Variants in IRX2 observed in about 807,000 individuals in gnomAD.
IRX2 encodes iroquois-class homeodomain protein IRX-2.
IRX2 carries 26 observed loss-of-function variants against 42.9 expected under a neutral mutation model. The ratio of observed to expected loss-of-function variants is 0.61; its 90% CI spans 0.44 to 0.84. The LOEUF is 0.84. Among genes scored for constraint, IRX2 ranks in the 40% least tolerant of loss-of-function variants. The pLI is 0.00. For missense variants in IRX2, 782 were observed against 713.9 expected, an observed-to-expected ratio of 1.10 and a Z score of -1.09; for synonymous variants, 424 against 353.9, an observed-to-expected ratio of 1.20 and a Z score of -2.22.
At position 2,751,438 on chromosome 5, in the gene IRX2, C is replaced by A; in HGVS notation, c.-25G>T. The A allele has an allele frequency of 8.1e-7, 1 of 1,239,172 alleles. No homozygotes were observed. The highest frequency in any genetic ancestry group is 4.5e-5 in the Admixed American group (1 of 22,140). 76.8% of individuals were successfully genotyped at this position (1,239,172 alleles called of 1,614,324 possible). A position where few individuals can be genotyped will look rare whatever the true frequency, so the allele number is the denominator to read the frequency against. ...TGGTGGGCGCGGGGCGCGGGGCCCG[C>A]GTCACGCCGAGCAGCGGGCAGGGCG... On this transcript the variant is annotated 5_prime_UTR_variant, in exon 1 of 4. Coordinates refer to ENST00000302057, the MANE Select transcript of IRX2 (RefSeq NM_033267.5). This position sits in a 1 kb window ranked among gnomAD's most constrained non-coding sequence, Gnocchi z 4.0.
the IRX2 span, chr5:2,736,706 A>G: frequency 6.6e-6 from 1 of 152,220 alleles, no homozygotes; most frequent in South Asian, 2.1e-4. Flanking sequence ...AAAATATTTC[A>G]TAGGATAAAT....
the IRX2 span, chr5:2,737,896 G>A: frequency 6.6e-6 from 1 of 152,142 alleles, no homozygotes; most frequent in Admixed American, 6.6e-5. Flanking sequence ...TGACGTCAAA[G>A]TAACAGCCAG....
intron 2 of IRX2, 21 bp from the exon 3 acceptor site, chr5:2,749,073 T>C: frequency 1.9e-6 from 3 of 1,592,468 alleles, no homozygotes; most frequent in Non-Finnish European, 1.7e-6. Context: ...GCGGGCACGG[T>C]GGGTGGCACG....
In IRX2 at chr5:2,749,817, T is replaced by C. The variant is rs1347549527; in HGVS notation, c.250-30A>G. ...AACCAACAAGAGCCTGTGAGTGGAG[T>C]ATGCGGAGACCCCGCGGGCAACCAG... On this transcript the variant is annotated intron_variant, in intron 1 of 3. Coordinates refer to ENST00000302057, the MANE Select transcript of IRX2 (RefSeq NM_033267.5). 2.6e-6 allele frequency: 4 copies of C among 1,555,674 alleles called. No homozygotes were observed. The African/African-American group carries it at 4.1e-5, about 16-fold the overall frequency.
At chr5:2,747,984 G>C (rs993860199) in intron 3 of IRX2, among the ~76,000 whole-genome samples, 3 of 152,166 alleles carry the variant, frequency 2.0e-5, no homozygotes, top group Non-Finnish European at 4.4e-5. Context: ...CGGCAGAAAA[G>C]CGGATTCAAC....
the IRX2 span, among the ~76,000 whole-genome samples, chr5:2,735,926 G>T: frequency 9.2e-5 from 14 of 152,156 alleles, no homozygotes; most frequent in African/African-American, 3.4e-4. Context: ...AGGTTAAAAT[G>T]AAGTAGAAAT....
At chr5:2,748,267 CG>C (rs766077531) in intron 3 of IRX2, 77 bp downstream of exon 3, 10 of 1,285,342 alleles carry the variant, frequency 7.8e-6, no homozygotes, top group Non-Finnish European at 1.0e-5. Flanking sequence ...GACCCTCCCT[CG>C]GGTCTCCCGG....
the IRX2 span, among the ~76,000 whole-genome samples, chr5:2,740,263 GGT>G: frequency 6.6e-6 from 1 of 152,084 alleles, no homozygotes; most frequent in Non-Finnish European, 1.5e-5. Flanking sequence ...TCCTTTTCCA[GGT>G]GCGCCTCGGC....
Position 2,749,328 on chromosome 5 carries a change from C to T in IRX2, c.655+54G>A, listed in dbSNP as rs1319021162. The T allele has an allele frequency of 3.9e-6, 6 of 1,540,002 alleles. No individual in the cohort carries two copies. In the East Asian group the frequency reaches 1.3e-4, roughly 35 times the overall value. On this transcript the variant is annotated intron_variant, in intron 2 of 3. Coordinates refer to ENST00000302057, the MANE Select transcript of IRX2 (RefSeq NM_033267.5). Reference sequence around the variant, plus strand: ...ACGTCCTCCCCGCCTTAGCTCTGCGCCCCGCCTGGGAAGAAAGCGCCCCGA... The same window carrying T: ...ACGTCCTCCCCGCCTTAGCTCTGCGTCCCGCCTGGGAAGAAAGCGCCCCGA...
At position 2,748,724 on chromosome 5, in the gene IRX2, C is replaced by T. The variant is rs1189486573; in HGVS notation, c.984G>A (p.Lys328=). 1.2e-5 allele frequency: 16 copies of T among 1,387,432 alleles called. No homozygotes were observed. The highest frequency in any genetic ancestry group is 1.5e-5 in the Non-Finnish European group (16 of 1,073,412). 85.9% of individuals were successfully genotyped at this position (1,387,432 alleles called of 1,614,324 possible). A position where few individuals can be genotyped will look rare whatever the true frequency, so the allele number is the denominator to read the frequency against. Residue 328 remains lysine, a synonymous_variant, in exon 3 of 4, where the codon AAG becomes AAA. Transcript: ENST00000302057. The part of the protein sequence containing the change: ...PGAPPPASKP[K]LWSLAEIATS... ...TGGCGATCTCGGCCAGCGACCACAG[C>T]TTGGGCTTGCTGGCGGGGGGCGGCG... is the stretch of plus-strand genomic sequence containing the variant.
In IRX2 at chr5:2,748,931, C is replaced by T. The variant is rs769223164; in HGVS notation, c.777G>A (p.Lys259=). ...LCESGSECKD[K]YDDLEDDEDD... Reference sequence around the variant, plus strand: ...CCTCGTCGTCCTCCAGGTCGTCATACTTGTCCTTGCACTCCGAGCCCGATT... The same window carrying T: ...CCTCGTCGTCCTCCAGGTCGTCATATTTGTCCTTGCACTCCGAGCCCGATT... The change falls in exon 3 of 4, where the codon AAG becomes AAA. Residue 259 remains lysine (K), a synonymous_variant. Coordinates refer to ENST00000302057, the MANE Select transcript of IRX2 (RefSeq NM_033267.5). 2 of 1,596,958 alleles carry T rather than the reference C, an allele frequency of 1.3e-6. No homozygotes were observed. Among genetic ancestry groups the T allele is most frequent in the Admixed American group, 1.7e-5 (1 of 59,918 alleles).
At chr5:2,749,309 T>TCCCCGCCTTAGCTCTGCG (rs1737833970) in intron 2 of IRX2, 73 bp downstream of exon 2, 1 of 1,520,900 alleles carries the variant, frequency 6.6e-7, no homozygotes, top group African/African-American at 1.4e-5. Flanking sequence ...GGCAACGTCC[T>TCCCCGCCTTAGCTCTGCG]CCCCGCCTTA....
chr5:2,741,956 A>G (rs976198122), downstream of IRX2, among the ~76,000 whole-genome samples: 4 of 152,198 alleles, frequency 2.6e-5, no homozygotes, highest in African/African-American at 2.4e-5. Flanking sequence ...CGGACAACAG[A>G]TATTTCCTTT....
chr5:2,749,239 G>A (rs899128908), intron 2 of IRX2, 143 bp downstream of exon 2: 2 of 1,437,748 alleles, frequency 1.4e-6, no homozygotes, highest in African/African-American at 1.4e-5. Context: ...CTCAAATCCC[G>A]GCGACCCCAG....
rs2111455644 is a variant in IRX2, at chr5:2,751,433, G to GCGCGGGT, written c.-21_-20insACCCGCG. 4 of 1,256,728 alleles carry GCGCGGGT rather than the reference G, an allele frequency of 3.2e-6. No homozygotes were observed. The South Asian group carries it at 8.8e-5, about 28-fold the overall frequency. The allele number at this position is 1,256,728 out of a possible 1,614,324, so 77.8% of individuals were successfully genotyped here. ...GGACATGGTGGGCGCGGGGCGCGGG[G>GCGCGGGT]CCCGCGTCACGCCGAGCAGCGGGCA... On this transcript the variant is annotated 5_prime_UTR_variant, in exon 1 of 4. Transcript: ENST00000302057. The surrounding 1 kb of genome is among the most constrained non-coding windows in gnomAD (Gnocchi z 4.0).
rs1007589679 is a variant in IRX2 at position 2,749,066 on chromosome 5, G to A, written c.656-14C>T. Reference sequence around the variant, plus strand: ...GCAGGCTGATCCCTGTGGGGGCGCGGGCACGGTGGGTGGCACGAGGGGACA... The same window carrying A: ...GCAGGCTGATCCCTGTGGGGGCGCGAGCACGGTGGGTGGCACGAGGGGACA... On this transcript the variant is annotated splice_polypyrimidine_tract_variant and intron_variant, in intron 2 of 3. Transcript: ENST00000302057. 4 of 1,593,886 alleles carry A rather than the reference G, an allele frequency of 2.5e-6. No individual in the cohort carries two copies. The highest frequency in any genetic ancestry group is 1.1e-5 in the South Asian group (1 of 90,340).
chr5:2,741,758 C>T (rs923754928), downstream of IRX2, among the ~76,000 whole-genome samples: 4 of 152,132 alleles, frequency 2.6e-5, no homozygotes, highest in East Asian at 1.9e-4. Context: ...ATATCGAGTC[C>T]GTATTGGAGG....
At chr5:2,745,687 T>C (rs1449127330), downstream of IRX2, among the ~76,000 whole-genome samples, 1 of 152,176 alleles carries the variant, frequency 6.6e-6, no homozygotes, top group Non-Finnish European at 1.5e-5. Context: ...ATTTGAATAA[T>C]TAGGCCAATT....
At chr5:2,748,131 G>C (rs777742535) in intron 3 of IRX2, among the ~76,000 whole-genome samples, 1 of 152,174 alleles carries the variant, frequency 6.6e-6, no homozygotes, top group Admixed American at 6.5e-5. Context: ...AGTAAATTAA[G>C]TAAAAATAAA....
Sources: allele counts gnomAD v4.1 joint callset (sites outside exome capture counted in the v4.1 genomes callset), GRCh38; gene constraint gnomAD v4.1.1; non-coding constraint Gnocchi (gnomAD v3.1); transcripts MANE v1.5; gene names NCBI Gene and HGNC (gene_info 2026-07-23, HGNC 2026-07-21).